The following ZNF324B variants were observed in gnomAD, a reference collection of about 807,000 sequenced individuals.
ZNF324B encodes zinc finger protein 324B.
A neutral mutation model predicts 10.6 loss-of-function variants in ZNF324B; 7 were observed. The ratio of observed to expected loss-of-function variants is 0.66; its 90% confidence interval spans 0.38 to 1.24. ZNF324B has a LOEUF of 1.24. ZNF324B is among the 50% of genes most tolerant of loss of function. ZNF324B has a pLI of 0.02. For missense variants in ZNF324B, 640 were observed against 764.7 expected, an observed-to-expected ratio of 0.84 and a Z score of 1.92; for synonymous variants, 316 against 321.0, an observed-to-expected ratio of 0.98 and a Z score of 0.17.
the ZNF324B span, chr19:58,440,370 A>G: frequency 1.3e-5 from 2 of 155,240 alleles, no homozygotes; most frequent in Admixed American, 6.5e-5. Context: ...GCGGTGCCTC[A>G]GGGCTGGCCA....
rs2052927196 is a variant in ZNF324B, at chr19:58,456,759, C to T, written c.*180C>T. 2 of 699,964 alleles carry T rather than the reference C, an allele frequency of 2.9e-6. No individual in the cohort carries two copies. Among genetic ancestry groups the T allele is most frequent in the South Asian group, 3.8e-5 (2 of 51,978 alleles). 43.4% of individuals were successfully genotyped at this position (699,964 alleles called of 1,614,324 possible). A position where few individuals can be genotyped will look rare whatever the true frequency, so the allele number is the denominator to read the frequency against. On this transcript the variant is annotated 3_prime_UTR_variant, in exon 4 of 4. Coordinates refer to ENST00000336614, the MANE Select transcript of ZNF324B (RefSeq NM_207395.3). This position sits in a 1 kb window ranked among gnomAD's most constrained non-coding sequence, Gnocchi z 4.7. ...TGGGGACAGGATTTGCCAGTTTAGT[C>T]ATAGCTCACACCTCCATCCTCAAAG...
At chr19:58,447,363 C>G (rs1002131545), upstream of ZNF324B, among the ~76,000 whole-genome samples, 1 of 152,196 alleles carries the variant, frequency 6.6e-6, no homozygotes, top group East Asian at 1.9e-4. Flanking sequence ...TAATCCTGTG[C>G]AGGGTAGGGG....
chr19:58,456,787 G>A lies in ZNF324B; in HGVS notation c.*208G>A. Reference sequence around the variant, plus strand: ...AGCTCACACCTCCATCCTCAAAGAGGTAACACTGCAGAAACATCAGAGGGA... The same window carrying A: ...AGCTCACACCTCCATCCTCAAAGAGATAACACTGCAGAAACATCAGAGGGA... On this transcript the variant is annotated 3_prime_UTR_variant, in exon 4 of 4. Coordinates refer to ENST00000336614, the MANE Select transcript of ZNF324B (RefSeq NM_207395.3). The surrounding 1 kb of genome is among the most constrained non-coding windows in gnomAD (Gnocchi z 4.7). 1 of 628,914 alleles carries A rather than the reference G, an allele frequency of 1.6e-6. No homozygotes were observed. The highest frequency in any genetic ancestry group is 1.8e-5 in the African/African-American group (1 of 54,478). 39.0% of individuals were successfully genotyped at this position (628,914 alleles called of 1,614,324 possible).
upstream of ZNF324B, among the ~76,000 whole-genome samples, chr19:58,447,467 T>C (rs2052833125): frequency 6.6e-6 from 1 of 152,232 alleles, no homozygotes; most frequent in Non-Finnish European, 1.5e-5. Context: ...TTTCAAACAA[T>C]TAGCATTTTT....
chr19:58,454,182 G>C, intron 2 of ZNF324B, 46 bp from the exon 3 acceptor site: 4 of 1,261,040 alleles, frequency 3.2e-6, no homozygotes, highest in Non-Finnish European at 3.5e-6. Context: ...TTGGGAGGTG[G>C]GTTGTCTTGA....
At chr19:58,434,433 A>T in the ZNF324B span, 1 of 1,614,254 alleles carries the variant, frequency 6.2e-7, no homozygotes, top group Non-Finnish European at 8.5e-7. Flanking sequence ...GAATTCTCTG[A>T]TGATGAACAA....
At chr19:58,453,448 G>T (rs990766762) in intron 1 of ZNF324B, among the ~76,000 whole-genome samples, 1 of 152,244 alleles carries the variant, frequency 6.6e-6, no homozygotes, top group African/African-American at 2.4e-5. Context: ...GGCCCAGCCA[G>T]GGCTTGCTCT....
chr19:58,427,354 C>CTTTCTT, the ZNF324B span, among the ~76,000 whole-genome samples: 15 of 51,268 alleles, frequency 2.9e-4, no homozygotes, highest in South Asian at 1.1e-3. Flanking sequence ...TCTTTCCTTT[C>CTTTCTT]TTTCTTTCTT....
upstream of ZNF324B, among the ~76,000 whole-genome samples, chr19:58,448,870 A>G (rs1330690531): frequency 6.6e-6 from 1 of 152,250 alleles, no homozygotes; most frequent in Admixed American, 6.5e-5. Flanking sequence ...TTGCAGCCTG[A>G]CCATGCAACA....
the ZNF324B span, chr19:58,442,840 A>G: frequency 1.3e-5 from 2 of 152,296 alleles, no homozygotes; most frequent in East Asian, 1.9e-4. Flanking sequence ...GGTAGTGTGG[A>G]CCCAAAGAGT....
upstream of ZNF324B, among the ~76,000 whole-genome samples, chr19:58,449,660 G>A (rs1025297481): frequency 6.6e-6 from 1 of 152,230 alleles, no homozygotes; most frequent in African/African-American, 2.4e-5. Flanking sequence ...AGATTCGACT[G>A]TCCTGCTGCA....
At chr19:58,437,064 T>C in the ZNF324B span, 1 of 1,614,096 alleles carries the variant, frequency 6.2e-7, no homozygotes, top group Middle Eastern at 1.6e-4. Flanking sequence ...GGTCACAAGC[T>C]CAAGGTTTTC....
At chr19:58,427,452 C>CCTTTCCCTT in the ZNF324B span, among the ~76,000 whole-genome samples, 117 of 46,974 alleles carry the variant, frequency 2.5e-3, 7 homozygotes, top group East Asian at 6.0e-3. Flanking sequence ...CCTTTCCTTT[C>CCTTTCCCTT]CCTTCCTTCC....
At chr19:58,437,250 T>C in the ZNF324B span, 2 of 1,553,104 alleles carry the variant, frequency 1.3e-6, no homozygotes, top group African/African-American at 1.4e-5. Flanking sequence ...CAAATGGAAA[T>C]ATGCAGGACC....
the ZNF324B span, among the ~76,000 whole-genome samples, chr19:58,427,156 G>A: frequency 2.0e-5 from 3 of 151,298 alleles, no homozygotes; most frequent in African/African-American, 7.3e-5. Context: ...TTGAGACGGA[G>A]TTTCACTCTT....
the ZNF324B span, among the ~76,000 whole-genome samples, chr19:58,427,324 T>C: frequency 2.2e-5 from 2 of 92,552 alleles, no homozygotes; most frequent in East Asian, 2.4e-4. Context: ...TCTTTCTTTC[T>C]TTCTTTCTTT....
chr19:58,421,572 C>T, the ZNF324B span, among the ~76,000 whole-genome samples: 1 of 151,766 alleles, frequency 6.6e-6, no homozygotes, highest in African/African-American at 2.4e-5. Flanking sequence ...GTAGAGACAG[C>T]GTTTCACCAT....
the ZNF324B span, chr19:58,437,195 G>A: frequency 6.2e-7 from 1 of 1,606,894 alleles, no homozygotes; most frequent in Middle Eastern, 1.7e-4. Flanking sequence ...GGACAGCTGA[G>A]CCACAGGGCC....
the ZNF324B span, chr19:58,440,311 T>G: frequency 1.2e-5 from 2 of 170,784 alleles, no homozygotes; most frequent in Non-Finnish European, 2.6e-5. Context: ...ATGGCGTTTA[T>G]TGCGTCGCTG....
Sources: allele counts gnomAD v4.1 joint callset (sites outside exome capture counted in the v4.1 genomes callset), GRCh38; gene constraint gnomAD v4.1.1; non-coding constraint Gnocchi (gnomAD v3.1); transcripts MANE v1.5; gene names NCBI Gene and HGNC (gene_info 2026-07-23, HGNC 2026-07-21).